Variants in HYCC1 observed in about 807,000 individuals in gnomAD.
The protein encoded by HYCC1 is hyccin.
the HYCC1 span, among the ~76,000 whole-genome samples, chr7:22,906,135 C>T: frequency 6.6e-6 from 1 of 151,844 alleles, no homozygotes. Flanking sequence ...ATTTTTTTTC[C>T]AGAACAGCAT....
At chr7:22,920,412 T>C in the HYCC1 span, among the ~76,000 whole-genome samples, 3 of 152,106 alleles carry the variant, frequency 2.0e-5, no homozygotes, top group East Asian at 1.9e-4. Flanking sequence ...TTATCACATA[T>C]AAGAGATCCC....
the HYCC1 span, among the ~76,000 whole-genome samples, chr7:22,950,587 T>C: frequency 6.6e-6 from 1 of 152,012 alleles, no homozygotes; most frequent in African/African-American, 2.4e-5. Flanking sequence ...ATATAGCTTA[T>C]GCTAATAAGA....
the HYCC1 span, among the ~76,000 whole-genome samples, chr7:22,932,839 T>A: frequency 6.6e-6 from 1 of 152,202 alleles, no homozygotes; most frequent in Non-Finnish European, 1.5e-5. Flanking sequence ...AATTTCACCT[T>A]ATTTGGAAAT....
At chr7:22,913,310 G>C in the HYCC1 span, among the ~76,000 whole-genome samples, 2 of 152,222 alleles carry the variant, frequency 1.3e-5, no homozygotes, top group Non-Finnish European at 2.9e-5. Context: ...GGAGTCTACA[G>C]TTGGGTGTGA....
the HYCC1 span, among the ~76,000 whole-genome samples, chr7:22,963,592 G>A: frequency 5.8e-4 from 89 of 152,304 alleles, 1 homozygote; most frequent in Non-Finnish European, 1.1e-3. Flanking sequence ...TAACACAAGG[G>A]TCAGAAAATT....
At chr7:23,014,074 C>G in the HYCC1 span, 4 of 470,476 alleles carry the variant, frequency 8.5e-6, no homozygotes, top group African/African-American at 6.0e-5. Context: ...CATCTTCCCC[C>G]TCCTCTCACT....
chr7:23,013,359 G>C, the HYCC1 span, among the ~76,000 whole-genome samples: 1 of 152,218 alleles, frequency 6.6e-6, no homozygotes, highest in Non-Finnish European at 1.5e-5. Flanking sequence ...AGACCGACTC[G>C]GGCCAACGCT....
the HYCC1 span, among the ~76,000 whole-genome samples, chr7:22,974,422 G>C: frequency 2.0e-5 from 3 of 152,114 alleles, no homozygotes; most frequent in African/African-American, 7.2e-5. Flanking sequence ...AAATTCAAAA[G>C]TCCGGACATT....
At chr7:22,957,818 T>C in the HYCC1 span, among the ~76,000 whole-genome samples, 1 of 151,780 alleles carries the variant, frequency 6.6e-6, no homozygotes, top group African/African-American at 2.4e-5. Context: ...TTACATTCTA[T>C]AGTCCTATGT....
chr7:22,964,518 CA>C, the HYCC1 span: 3 of 1,592,800 alleles, frequency 1.9e-6, no homozygotes, highest in Non-Finnish European at 2.6e-6. Context: ...CGAGGATATC[CA>C]CAAACACAGA....
chr7:22,935,841 C>T, the HYCC1 span: 1 of 150,966 alleles, frequency 6.6e-6, no homozygotes, highest in African/African-American at 2.4e-5. Context: ...TAGAGACGGG[C>T]TTTCACCATG....
chr7:22,973,708 T>A, the HYCC1 span, among the ~76,000 whole-genome samples: 1 of 152,184 alleles, frequency 6.6e-6, no homozygotes, highest in Admixed American at 6.5e-5. Context: ...AAATAATCTG[T>A]TTCTCTTTGT....
At chr7:22,930,483 T>A in the HYCC1 span, among the ~76,000 whole-genome samples, 3 of 150,914 alleles carry the variant, frequency 2.0e-5, no homozygotes, top group South Asian at 4.2e-4. Flanking sequence ...AAAAAAAACT[T>A]TGCACAAAGA....
the HYCC1 span, among the ~76,000 whole-genome samples, chr7:22,953,787 TTCTATA>T: frequency 6.6e-6 from 1 of 151,830 alleles, no homozygotes; most frequent in African/African-American, 2.4e-5. Context: ...ATGTTTTATC[TTCTATA>T]TTGGGAAAGA....
At chr7:22,942,836 A>G in the HYCC1 span, 1 of 152,188 alleles carries the variant, frequency 6.6e-6, no homozygotes, top group Admixed American at 6.5e-5. Context: ...AGTTAAGATT[A>G]TCCAATTTTC....
chr7:22,974,828 G>C, the HYCC1 span, among the ~76,000 whole-genome samples: 12,990 of 152,254 alleles, frequency 0.085, 660 homozygotes, highest in Admixed American at 0.12. Flanking sequence ...TTGAATCATG[G>C]GGTTGGGTTT....
the HYCC1 span, among the ~76,000 whole-genome samples, chr7:22,896,345 G>A: frequency 1.3e-5 from 2 of 152,280 alleles, no homozygotes; most frequent in Non-Finnish European, 2.9e-5. Context: ...TGGCTACCCT[G>A]GAGGCATTAG....
chr7:22,996,469 T>C, the HYCC1 span, among the ~76,000 whole-genome samples: 2,395 of 151,818 alleles, frequency 0.016, 69 homozygotes, highest in African/African-American at 0.055. Flanking sequence ...ATGGGTATAC[T>C]GTGTGATGGT....
the HYCC1 span, chr7:22,946,932 G>A: frequency 1.3e-6 from 2 of 1,532,834 alleles, no homozygotes; most frequent in Non-Finnish European, 1.8e-6. Flanking sequence ...ATGCATCAGT[G>A]GCCCTTTGCC....
Sources: gnomAD v4.1 joint callset for allele counts (sites outside exome capture counted in the v4.1 genomes callset) on GRCh38, gnomAD v4.1.1 for gene constraint, MANE v1.5 for transcripts, NCBI Gene and HGNC (gene_info 2026-07-23, HGNC 2026-07-21) for gene names.